The following NPAS3 variants were observed in gnomAD, a reference collection of about 807,000 sequenced individuals.
NPAS3 encodes neuronal PAS domain-containing protein 3.
In NPAS3, 14 loss-of-function variants were observed where a neutral mutation model predicts 73.1. The ratio of observed to expected loss-of-function variants is 0.19; its 90% CI spans 0.13 to 0.30. The LOEUF (loss-of-function observed/expected upper bound fraction) is 0.30, where lower values mean the gene tolerates loss of function less well. Ranked by LOEUF, NPAS3 falls within the 10% of genes least tolerant of loss-of-function variation. NPAS3 has a pLI of 1.00. For missense variants in NPAS3, 1,096 were observed against 1,250.0 expected, an observed-to-expected ratio of 0.88 and a Z score of 1.86; for synonymous variants, 620 against 541.5, an observed-to-expected ratio of 1.14 and a Z score of -2.01.
chr14:33,308,533 C>CAT lies in NPAS3; in HGVS notation c.386-58652_386-58651insTA, dbSNP rs528299215. 3.5e-4 allele frequency among the ~76,000 whole-genome samples: 30 copies of CAT among 85,764 alleles called. 1 individual carries two copies. Among genetic ancestry groups the CAT allele is most frequent in the African/African-American group, 1.6e-3 (29 of 18,468 alleles). The allele number at this position is 85,764 out of a possible 152,430, so 56.3% of individuals were successfully genotyped here. Reference sequence around the variant, plus strand: ...GTTTATATATATATATATATACATACACACACACACACACACACACACATA... The same window carrying CAT: ...GTTTATATATATATATATATACATACATACACACACACACACACACACACATA... On this transcript the variant is annotated intron_variant, in intron 3 of 11. Transcript: ENST00000356141.
At chr14:32,968,850 C>T (rs2783756) in intron 1 of NPAS3, among the ~76,000 whole-genome samples, 146,508 of 151,434 alleles carry the variant, frequency 0.97, 71,047 homozygotes, top group Non-Finnish European at 1. Flanking sequence ...GGTAAATGTG[C>T]GCCATGGTGG....
chr14:33,778,549 G>T (rs1403923713), exon 9 of NPAS3: 1 of 1,613,352 alleles, frequency 6.2e-7, no homozygotes, highest in East Asian at 2.2e-5. Context: ...GACGTGGAGG[G>T]CATCAGGCAC....
chr14:33,236,296 C>T (rs763022474), intron 3 of NPAS3, among the ~76,000 whole-genome samples: 4 of 152,094 alleles, frequency 2.6e-5, no homozygotes, highest in Non-Finnish European at 5.9e-5. Context: ...CTCTGGCCTG[C>T]TCCTGTGTGT....
At chr14:33,327,642 C>T (rs545803500) in intron 3 of NPAS3, among the ~76,000 whole-genome samples, 8 of 152,154 alleles carry the variant, frequency 5.3e-5, no homozygotes, top group African/African-American at 1.7e-4. Context: ...TTATTTCCAA[C>T]TAGGAAATAA....
chr14:33,187,409 A>G (rs2046016821), intron 2 of NPAS3, among the ~76,000 whole-genome samples: 1 of 152,172 alleles, frequency 6.6e-6, no homozygotes, highest in Non-Finnish European at 1.5e-5. Flanking sequence ...TTGTAACTGG[A>G]AGATTATTGT....
chr14:33,668,219 A>T (rs968334479), intron 5 of NPAS3, among the ~76,000 whole-genome samples: 1 of 152,084 alleles, frequency 6.6e-6, no homozygotes, highest in Non-Finnish European at 1.5e-5. Context: ...CAACAGTATC[A>T]CTCTTAAACA....
intron 4 of NPAS3, among the ~76,000 whole-genome samples, chr14:33,522,480 C>T (rs753332205): frequency 6.6e-6 from 1 of 151,072 alleles, no homozygotes; most frequent in Non-Finnish European, 1.5e-5. Flanking sequence ...TTGAGTCAAC[C>T]TTCTCTATAT....
At chr14:32,940,059 T>C (rs2035923374) in intron 1 of NPAS3, among the ~76,000 whole-genome samples, 1 of 152,070 alleles carries the variant, frequency 6.6e-6, no homozygotes, top group South Asian at 2.1e-4. Flanking sequence ...TCCATACCCC[T>C]CCCAAAGGAA....
At chr14:33,496,037 C>T (rs1008033613) in intron 4 of NPAS3, among the ~76,000 whole-genome samples, 1 of 152,110 alleles carries the variant, frequency 6.6e-6, no homozygotes, top group Non-Finnish European at 1.5e-5. Context: ...ACTAATCCCA[C>T]AGAAATACAA....
intron 2 of NPAS3, among the ~76,000 whole-genome samples, chr14:33,094,368 A>G (rs1326818347): frequency 6.6e-6 from 1 of 152,152 alleles, no homozygotes; most frequent in African/African-American, 2.4e-5. Flanking sequence ...ATTTATGGTA[A>G]ACCAATATTT....
intron 2 of NPAS3, among the ~76,000 whole-genome samples, chr14:33,198,811 C>T (rs1042569657): frequency 1.1e-4 from 16 of 152,172 alleles, no homozygotes; most frequent in Middle Eastern, 6.3e-3. Context: ...CAGGAAGGCT[C>T]GGGCCACGCT....
At chr14:33,503,585 A>G (rs1230430452) in intron 4 of NPAS3, among the ~76,000 whole-genome samples, 1 of 151,918 alleles carries the variant, frequency 6.6e-6, no homozygotes, top group Non-Finnish European at 1.5e-5. Flanking sequence ...CTTTCAAAAA[A>G]AAAATGGCAC....
At chr14:32,938,835 C>G (rs909341005), upstream of NPAS3, among the ~76,000 whole-genome samples, 1 of 143,568 alleles carries the variant, frequency 7.0e-6, no homozygotes, top group Admixed American at 6.8e-5. Context: ...CCGCCTCCCC[C>G]CGCCGCCGCC....
chr14:33,432,084 T>G (rs1045249691), intron 4 of NPAS3, among the ~76,000 whole-genome samples: 3 of 152,174 alleles, frequency 2.0e-5, no homozygotes. Context: ...AAAAGTACTT[T>G]TCTTGTATAG....
chr14:33,000,588 G>T (rs2139564139), intron 1 of NPAS3, among the ~76,000 whole-genome samples: 1 of 152,296 alleles, frequency 6.6e-6, no homozygotes, highest in East Asian at 1.9e-4. Flanking sequence ...AATATATGAG[G>T]CATGTAGGAA....
intron 2 of NPAS3, among the ~76,000 whole-genome samples, chr14:33,119,157 T>G (rs1206648147): frequency 6.6e-6 from 1 of 152,120 alleles, no homozygotes; most frequent in East Asian, 1.9e-4. Flanking sequence ...GTAATGTTAC[T>G]TAAAGTGTTC....
At chr14:33,498,713 G>GTAGCA (rs1294067906) in intron 4 of NPAS3, among the ~76,000 whole-genome samples, 5 of 41,430 alleles carry the variant, frequency 1.2e-4, no homozygotes, top group South Asian at 1.2e-3. Flanking sequence ...TAGGGAAGGG[G>GTAGCA]TTAGGAGAAA....
At chr14:33,328,047 A>C (rs543562667) in intron 3 of NPAS3, among the ~76,000 whole-genome samples, 56 of 152,306 alleles carry the variant, frequency 3.7e-4, no homozygotes, top group Non-Finnish European at 7.5e-4. Flanking sequence ...ATACTCAGCA[A>C]TTCTATTGGC....
intron 2 of NPAS3, among the ~76,000 whole-genome samples, chr14:33,151,417 A>G (rs2044439873): frequency 1.3e-5 from 2 of 152,288 alleles, no homozygotes; most frequent in South Asian, 2.1e-4. Flanking sequence ...TTGGCCTCCT[A>G]CCACTTGGTT....
Sources: allele counts gnomAD v4.1 joint callset (sites outside exome capture counted in the v4.1 genomes callset), GRCh38; gene constraint gnomAD v4.1.1; transcripts MANE v1.5; gene names NCBI Gene and HGNC (gene_info 2026-07-23, HGNC 2026-07-21).